NBAS: variants seen among roughly 807,000 people sequenced by gnomAD.
NBAS encodes the protein NAG/BC035112 fusion.
Under a neutral mutation model 302.5 loss-of-function variants are expected in NBAS, and 219 were observed. The observed-to-expected ratio is 0.72, with a 90% CI of 0.65 to 0.81. NBAS has a LOEUF of 0.81. Ranked by LOEUF, NBAS falls within the 30% of genes least tolerant of loss-of-function variation. The probability of loss-of-function intolerance (pLI) is 0.00; values close to 1 mark genes in which losing one functional copy is unlikely to be tolerated. For missense variants in NBAS, 2,932 were observed against 2,841.6 expected (o/e 1.03, Z -0.72); for synonymous variants, 1,118 against 1,021.6 (o/e 1.09, Z -1.80).
At chr2:15,218,312 A>G (rs1666745517) in intron 48 of NBAS, among the ~76,000 whole-genome samples, 2 of 149,686 alleles carry the variant, frequency 1.3e-5, no homozygotes, top group Non-Finnish European at 3.0e-5. Context: ...TTCGTTGTAC[A>G]TATTCAAGTA....
the NBAS span, among the ~76,000 whole-genome samples, chr2:15,103,631 T>A: frequency 6.6e-6 from 1 of 152,202 alleles, no homozygotes; most frequent in Non-Finnish European, 1.5e-5. Context: ...AGCTTCTCAA[T>A]AAATGTTTTT....
chr2:15,161,521 TGAG>T, the NBAS span, among the ~76,000 whole-genome samples: 1 of 152,196 alleles, frequency 6.6e-6, no homozygotes, highest in African/African-American at 2.4e-5. Context: ...CCAGTACTGC[TGAG>T]GAGAACTTCA....
At chr2:14,797,576 C>G in the NBAS span, among the ~76,000 whole-genome samples, 188 of 152,330 alleles carry the variant, frequency 1.2e-3, 1 homozygote, top group African/African-American at 4.3e-3. Context: ...ACTGCATCCC[C>G]CTCATCTGGA....
chr2:14,984,349 C>T, the NBAS span, among the ~76,000 whole-genome samples: 2 of 152,150 alleles, frequency 1.3e-5, no homozygotes, highest in Admixed American at 6.5e-5. Context: ...CAAGGTGAGA[C>T]TTTTGCACTT....
the NBAS span, among the ~76,000 whole-genome samples, chr2:15,097,918 T>C: frequency 0.029 from 1,952 of 66,314 alleles, 65 homozygotes; most frequent in East Asian, 0.13. Context: ...TACAATATTA[T>C]ATATTATATA....
At chr2:14,871,624 T>C in the NBAS span, among the ~76,000 whole-genome samples, 1 of 152,072 alleles carries the variant, frequency 6.6e-6, no homozygotes, top group Admixed American at 6.5e-5. Flanking sequence ...AAGTAAAATG[T>C]ATAATAGTAG....
At chr2:15,548,553 G>T (rs1193028226) in intron 6 of NBAS, among the ~76,000 whole-genome samples, 1 of 152,170 alleles carries the variant, frequency 6.6e-6, no homozygotes, top group African/African-American at 2.4e-5. Flanking sequence ...TGAGGCAGGA[G>T]AATCACATGA....
At chr2:15,129,441 T>A in the NBAS span, among the ~76,000 whole-genome samples, 141 of 152,254 alleles carry the variant, frequency 9.3e-4, 3 homozygotes, top group East Asian at 0.019. Flanking sequence ...AATGGAGGCA[T>A]CAGAGTCTTC....
the NBAS span, among the ~76,000 whole-genome samples, chr2:15,034,213 A>G: frequency 4.1e-5 from 5 of 121,584 alleles, no homozygotes; most frequent in African/African-American, 1.2e-4. Context: ...AGGAAAGGAA[A>G]GAAAGAGAGG....
intron 51 of NBAS, among the ~76,000 whole-genome samples, chr2:15,169,041 T>C (rs1019296644): frequency 1.3e-5 from 2 of 152,248 alleles, no homozygotes; most frequent in East Asian, 1.9e-4. Context: ...ATTTGTTAAA[T>C]GGCTGAGTGA....
chr2:14,900,096 G>C, the NBAS span, among the ~76,000 whole-genome samples: 2 of 147,118 alleles, frequency 1.4e-5, no homozygotes, highest in African/African-American at 5.0e-5. Flanking sequence ...TTCCGAAGTC[G>C]ATTTTAAGTC....
the NBAS span, among the ~76,000 whole-genome samples, chr2:14,877,012 T>A: frequency 2.6e-5 from 4 of 152,222 alleles, no homozygotes; most frequent in Non-Finnish European, 5.9e-5. Context: ...TCAGTGACAC[T>A]TGCCCCCTCT....
At chr2:15,166,910 T>C (rs1427117848), downstream of NBAS, 2 of 1,175,744 alleles carry the variant, frequency 1.7e-6, no homozygotes, top group Non-Finnish European at 2.3e-6. Flanking sequence ...AGCGGCAGCT[T>C]GCTCATCGTT....
the NBAS span, among the ~76,000 whole-genome samples, chr2:15,001,254 G>T: frequency 0.38 from 57,627 of 151,532 alleles, 11,672 homozygotes; most frequent in Non-Finnish European, 0.43. Flanking sequence ...TACACATATA[G>T]AGAGAGAGAG....
intron 44 of NBAS, among the ~76,000 whole-genome samples, chr2:15,250,215 G>A (rs963870845): frequency 1.3e-5 from 2 of 152,140 alleles, no homozygotes; most frequent in African/African-American, 4.8e-5. Flanking sequence ...AATGGGGAAA[G>A]GATTCCCTAT....
At chr2:15,539,843 A>AATATAT (rs148423069) in intron 6 of NBAS, among the ~76,000 whole-genome samples, 1 of 149,702 alleles carries the variant, frequency 6.7e-6, no homozygotes, top group African/African-American at 2.5e-5. Context: ...AAAGGGGGGA[A>AATATAT]ATATATATAT....
chr2:15,522,702 G>A (rs1340902356), intron 9 of NBAS, among the ~76,000 whole-genome samples: 1 of 152,192 alleles, frequency 6.6e-6, no homozygotes, highest in Non-Finnish European at 1.5e-5. Context: ...TAACGTAGGA[G>A]CGATATGCAG....
At chr2:15,527,784 C>T (rs1662990305) in intron 9 of NBAS, among the ~76,000 whole-genome samples, 1 of 151,982 alleles carries the variant, frequency 6.6e-6, no homozygotes. Context: ...ATTTAAACAG[C>T]GCCCAAACTG....
At chr2:15,340,716 T>C (rs1429521854) in intron 35 of NBAS, among the ~76,000 whole-genome samples, 3 of 152,118 alleles carry the variant, frequency 2.0e-5, no homozygotes, top group Non-Finnish European at 4.4e-5. Flanking sequence ...GTATCTAACA[T>C]TTAGCTGGGG....
Sources: allele counts gnomAD v4.1 joint callset (sites outside exome capture counted in the v4.1 genomes callset), GRCh38; gene constraint gnomAD v4.1.1; transcripts MANE v1.5; gene names NCBI Gene and HGNC (gene_info 2026-07-23, HGNC 2026-07-21).